TTN: variants seen among roughly 807,000 people sequenced by gnomAD.
TTN encodes titin, also known as connectin.
Under a neutral mutation model 3,223.0 loss-of-function variants are expected in TTN, and 1,525 were observed. That is an observed-to-expected ratio of 0.47 (90% CI 0.45 to 0.49). The LOEUF is 0.49. Ranked by LOEUF, TTN falls within the 20% of genes least tolerant of loss-of-function variation. The pLI is 0.00. For missense variants in TTN, 40,786 were observed against 43,424.0 expected, an observed-to-expected ratio of 0.94 and a Z score of 5.40; for synonymous variants, 14,094 against 15,161.0, an observed-to-expected ratio of 0.93 and a Z score of 5.17.
chr2:178,733,080 C>T lies in TTN; in HGVS notation c.16096G>A (p.Val5366Met), dbSNP rs372176136. Residue 5366 changes from valine (V) to methionine (M), a missense_variant, in exon 55 of 363, where the codon GTG becomes ATG. By Grantham distance (21) the Val-to-Met change is conservative (BLOSUM62 1). Coordinates refer to ENST00000589042, the MANE Select transcript of TTN (RefSeq NM_001267550.2). ...APFFTKPLRN[V>M]DSVVNGTCRL... ...CAGGTACCATTAACAACACTATCCA[C>T]GTTGCGCAAGGGTTTGGTAAAAAAT... is the stretch of plus-strand genomic sequence containing the variant. 3.2e-5 allele frequency: 52 copies of T among 1,606,724 alleles called. No individual in the cohort carries two copies. Among genetic ancestry groups the T allele is most frequent in the Non-Finnish European group, 4.3e-5 (51 of 1,175,694 alleles).
chr2:178,746,435 T>G, intron 47 of TTN: 3 of 1,611,136 alleles, frequency 1.9e-6, no homozygotes, highest in Non-Finnish European at 2.5e-6. Context: ...CTCAAATTCT[T>G]TAACGTCTTT....
In TTN at chr2:178,728,221, ATC is replaced by A. The variant is rs1064796380; in HGVS notation, c.19601_19602del (p.Arg6534IlefsTer7). On this transcript the variant is annotated frameshift_variant, in exon 67 of 363. Coordinates refer to ENST00000589042, the MANE Select transcript of TTN (RefSeq NM_001267550.2). LOFTEE classifies it high-confidence loss of function. ...AGATTATTAACTTCCAGAGACACAG[ATC>A]TCTCATGGCACACAAGTCTGTATTT... Reference protein sequence around the residue: ...SAKYRLVCHERSVSLEVNNLE... With the variant: ...SAKYRLVCHEXSVSLEVNNLE... The A allele has an allele frequency of 6.8e-6, 11 of 1,613,094 alleles. No homozygotes were observed. Among genetic ancestry groups the A allele is most frequent in the Non-Finnish European group, 9.3e-6 (11 of 1,179,430 alleles).
At position 178,732,479 on chromosome 2, in the gene TTN, C is replaced by T. The variant is rs185753307; in HGVS notation, c.16582G>A (p.Ala5528Thr). Residue 5528 changes from alanine (A) to threonine (T), a missense_variant, in exon 56 of 363, where the codon GCT becomes ACT. By Grantham distance (58) the Ala-to-Thr change is moderately conservative. Transcript: ENST00000589042. ...TTTGCACTGCATTCCACCCCTCCAG[C>T]GACATTGCTGACTTTACATGTGTAC... ...GTYTCKVSNVAGGVECSANLF... is the reference protein window; with the variant it reads ...GTYTCKVSNVTGGVECSANLF... 23 of 1,612,638 alleles carry T rather than the reference C, an allele frequency of 1.4e-5. No individual in the cohort carries two copies. The highest frequency in any genetic ancestry group is 3.3e-5 in the Admixed American group (2 of 59,930).
At chr2:178,541,793 A>ACTT (rs1321110384) in intron 349 of TTN, 1 of 284,468 alleles carries the variant, frequency 3.5e-6, no homozygotes, top group African/African-American at 2.2e-5. Context: ...AAAATTTTTG[A>ACTT]CTTTTAGCTT....
At chr2:178,774,138 T>G (rs2091918873) in intron 30 of TTN, 28 bp from the exon 31 acceptor site, 1 of 1,613,970 alleles carries the variant, frequency 6.2e-7, no homozygotes, top group African/African-American at 1.3e-5. Context: ...AAAAAGAATG[T>G]TATGATCATT....
chr2:178,651,286 C>G lies in TTN; in HGVS notation c.39582G>C (p.Lys13194Asn). 6.2e-7 allele frequency: 1 copy of G among 1,613,184 alleles called. No individual in the cohort carries two copies. The highest frequency in any genetic ancestry group is 1.7e-5 in the Admixed American group (1 of 59,918). Residue 13194 changes from lysine (K) to asparagine (N), a missense_variant, in exon 208 of 363, where the codon AAG (lysine) becomes AAC (asparagine). By Grantham distance (94) the Lys-to-Asn change is moderately conservative. Coordinates refer to ENST00000589042, the MANE Select transcript of TTN (RefSeq NM_001267550.2). Reference protein sequence around the residue: ...PEVPKEVVPEKKVAVPKKPEV... With the variant: ...PEVPKEVVPENKVAVPKKPEV... ...CTGGCTTTTTGGGAACAGCTACTTT[C>G]TTTTCTGGAACAACTTCTTTTGGAA...
intron 22 of TTN, 70 bp from the exon 23 acceptor site, chr2:178,779,532 T>C: frequency 9.4e-7 from 1 of 1,064,590 alleles, no homozygotes; most frequent in Non-Finnish European, 1.4e-6. Flanking sequence ...AGGAGATGTA[T>C]CTGAGCTAGA....
chr2:178,713,478 A>G (rs1175115181), intron 92 of TTN, 106 bp from the exon 93 acceptor site: 1 of 1,423,408 alleles, frequency 7.0e-7, no homozygotes, highest in Admixed American at 2.9e-5. Flanking sequence ...GACTATCCCT[A>G]GATCCATTTG....
At position 178,664,471 on chromosome 2, in the gene TTN, A is replaced by G; in HGVS notation, c.36269T>C (p.Val12090Ala). 1.2e-6 allele frequency: 2 copies of G among 1,611,370 alleles called. No individual in the cohort carries two copies. The highest frequency in any genetic ancestry group is 2.2e-5 in the East Asian group (1 of 44,874). Residue 12090 changes from valine to alanine, a missense_variant, in exon 168 of 363, where the codon GTA becomes GCA. Val to Ala is a moderately conservative substitution (Grantham distance 64). Transcript: ENST00000589042. Reference protein sequence around the residue: ...KVHPPQRAEVVPVKVHEAPKE... With the variant: ...KVHPPQRAEVAPVKVHEAPKE... The stretch of plus-strand genomic sequence containing the variant: ...AGTTAAGAATGTACCTTTGACAGGT[A>G]CAACTTCAGCCCTTTGGGGAGGATG...
intron 243 of TTN, among the ~76,000 whole-genome samples, 162 bp from the exon 244 acceptor site, chr2:178,622,170 G>A (rs899268491): frequency 6.6e-6 from 1 of 151,808 alleles, no homozygotes; most frequent in African/African-American, 2.4e-5. Flanking sequence ...AACCCCAAAA[G>A]CAAGAACAAT....
intron 13 of TTN, among the ~76,000 whole-genome samples, chr2:178,787,802 A>G (rs561306422): frequency 9.2e-5 from 14 of 152,108 alleles, no homozygotes; most frequent in Admixed American, 2.0e-4. Flanking sequence ...ATTTATATAC[A>G]CACACTTATT....
In TTN at chr2:178,789,375, T is replaced by C. The variant is rs188680791; in HGVS notation, c.2061A>G (p.Gln687=). The C allele has an allele frequency of 4.5e-5, 73 of 1,613,416 alleles. No individual in the cohort carries two copies. The highest frequency in any genetic ancestry group is 1.0e-4 in the Admixed American group (6 of 60,014). ...CAATAGTCACCTTTCCATGGGTAAC[T>C]TGGATTTGTTCTTGTCTAGTAGCCA... ...ETMATRQEQI[Q]VTHGKVDVGK... is the part of the protein sequence containing the mutation. The change falls in exon 13 of 363, where the codon CAA becomes CAG. Residue 687 remains glutamine, a synonymous_variant. Transcript: ENST00000589042.
At chr2:178,622,491 TAATAATAC>T (rs1419854971) in intron 243 of TTN, among the ~76,000 whole-genome samples, 171 bp downstream of exon 243, 2 of 151,938 alleles carry the variant, frequency 1.3e-5, no homozygotes, top group African/African-American at 4.8e-5. Context: ...AATAGTAAAT[TAATAATAC>T]TAAAAAGAGA....
chr2:178,779,269 A>G lies in TTN; in HGVS notation c.3923T>C (p.Val1308Ala). Residue 1308 changes from valine (V) to alanine (A), a missense_variant, in exon 23 of 363, where the codon GTC becomes GCC. By Grantham distance (64) the Val-to-Ala change is moderately conservative. Coordinates refer to ENST00000589042, the MANE Select transcript of TTN (RefSeq NM_001267550.2). ...TCCAGACATCTTGCAATGAAAAGTG[A>G]CACCCATCCCCTCAAGAATTCTATA... ...KNYRILEGMG[V>A]TFHCKMSGYP... 1 of 1,613,856 alleles carries G rather than the reference A, an allele frequency of 6.2e-7. No homozygotes were observed. The highest frequency in any genetic ancestry group is 8.5e-7 in the Non-Finnish European group (1 of 1,179,842).
chr2:178,713,117 G>A lies in TTN; in HGVS notation c.27017C>T (p.Ser9006Phe). ...YTCIATNMAG[S>F]DECSAPLTVR... is the part of the protein sequence containing the mutation. ...AGTCAAAGGAGCACTACATTCATCAGAACCAGCCATATTAGTAGCTATACA... is the reference window on the plus strand; with the variant it reads ...AGTCAAAGGAGCACTACATTCATCAAAACCAGCCATATTAGTAGCTATACA... The change falls in exon 93 of 363, where the codon TCT becomes TTT. Residue 9006 changes from serine to phenylalanine, a missense_variant. By Grantham distance (155) the Ser-to-Phe change is radical (BLOSUM62 -2). Transcript: ENST00000589042. 1 of 1,613,674 alleles carries A rather than the reference G, an allele frequency of 6.2e-7. No individual in the cohort carries two copies. The highest frequency in any genetic ancestry group is 8.5e-7 in the Non-Finnish European group (1 of 1,179,716).
At chr2:178,613,679 C>T in intron 263 of TTN, 72 bp downstream of exon 263, 3 of 1,456,068 alleles carry the variant, frequency 2.1e-6, no homozygotes, top group South Asian at 1.5e-5. Flanking sequence ...ATCTGTAATC[C>T]CAAGGAATAC....
Position 178,652,284 on chromosome 2 carries a change from G to C in TTN, c.39191C>G (p.Pro13064Arg). ...KKVPVPPPKK[P>R]EVPPTKVPEV... ...TCTACCTTTTGTGGGTGGCACTTCA[G>C]GCTTTTTAGGAGGAGGCACTGGCAC... The change falls in exon 203 of 363, where the codon CCT becomes CGT. Residue 13064 changes from proline to arginine, a missense_variant. Coordinates refer to ENST00000589042, the MANE Select transcript of TTN (RefSeq NM_001267550.2). 1 of 1,613,666 alleles carries C rather than the reference G, an allele frequency of 6.2e-7. No individual in the cohort carries two copies. Among genetic ancestry groups the C allele is most frequent in the Non-Finnish European group, 8.5e-7 (1 of 1,179,686 alleles).
At chr2:178,690,576 T>C (rs1016976667) in intron 121 of TTN, among the ~76,000 whole-genome samples, 1 of 152,198 alleles carries the variant, frequency 6.6e-6, no homozygotes, top group Non-Finnish European at 1.5e-5. Flanking sequence ...GTGTATTTGA[T>C]TTATCTATTC....
At position 178,701,128 on chromosome 2, in the gene TTN, C is replaced by A. The variant is rs375545238; in HGVS notation, c.30674G>T (p.Arg10225Leu). ...TAGATGAGGTATAATACCTTCAATA[C>A]GTTTTGGTGGTGGTTTCTTTTCTTC... ...TPEEKKPPPK[R>L]IEVTKKAVKK... Residue 10225 changes from arginine to leucine, a missense_variant, in exon 111 of 363, where the codon CGT becomes CTT. Arg to Leu is a moderately radical substitution (Grantham distance 102, BLOSUM62 -2). Coordinates refer to ENST00000589042, the MANE Select transcript of TTN (RefSeq NM_001267550.2). 6.2e-7 allele frequency: 1 copy of A among 1,613,422 alleles called. No homozygotes were observed. The highest frequency in any genetic ancestry group is 8.5e-7 in the Non-Finnish European group (1 of 1,179,656).
Sources: gnomAD v4.1 joint callset for allele counts (sites outside exome capture counted in the v4.1 genomes callset) on GRCh38, gnomAD v4.1.1 for gene constraint, MANE v1.5 for transcripts, NCBI Gene and HGNC (gene_info 2026-07-23, HGNC 2026-07-21) for gene names.